NDFIP1: variants seen among roughly 807,000 people sequenced by gnomAD.
NDFIP1 encodes the protein NEDD4 family-interacting protein 1.
A neutral mutation model predicts 28.8 loss-of-function variants in NDFIP1; 7 were observed. That is an observed-to-expected ratio of 0.24 (90% CI 0.14 to 0.46). NDFIP1 has a LOEUF of 0.46. Among genes scored for constraint, NDFIP1 ranks in the 20% least tolerant of loss-of-function variants. The pLI is 0.99. For synonymous variants in NDFIP1, 92 were observed against 101.0 expected, an observed-to-expected ratio of 0.91 and a Z score of 0.53; for missense variants, 194 against 269.1, an observed-to-expected ratio of 0.72 and a Z score of 1.95.
At chr5:142,116,826 T>A in intron 1 of NDFIP1, among the ~76,000 whole-genome samples, 1 of 152,052 alleles carries the variant, frequency 6.6e-6, no homozygotes, top group East Asian at 1.9e-4. Context: ...TTCTCGTGCC[T>A]CAGCTTCCCA....
chr5:142,108,852 G>A lies in NDFIP1; in HGVS notation c.-123G>A. The A allele has an allele frequency of 3.9e-6, 3 of 761,394 alleles. No individual in the cohort carries two copies. The highest frequency in any genetic ancestry group is 3.2e-5 in the South Asian group (1 of 31,288). 47.2% of individuals were successfully genotyped at this position (761,394 alleles called of 1,614,324 possible). On this transcript the variant is annotated 5_prime_UTR_variant, in exon 1 of 8. Transcript: ENST00000253814. ...GAAGAGCGTCTCGCCCGGGAGCGGCGGCGGCCATCGAGACCCACCCAAGGC... is the reference window on the plus strand; with the variant it reads ...GAAGAGCGTCTCGCCCGGGAGCGGCAGCGGCCATCGAGACCCACCCAAGGC...
intron 7 of NDFIP1, among the ~76,000 whole-genome samples, chr5:142,150,199 AATAT>A (rs3079929): frequency 1.1e-4 from 2 of 18,196 alleles, no homozygotes; most frequent in Non-Finnish European, 1.9e-4. Flanking sequence ...AAAAAAAAAA[AATAT>A]ATAGAAACTG....
chr5:142,149,219 T>C (rs866512517), intron 7 of NDFIP1, among the ~76,000 whole-genome samples: 2 of 152,288 alleles, frequency 1.3e-5, no homozygotes, highest in Middle Eastern at 3.4e-3. Context: ...TCTCCTTTTC[T>C]GTAATTTTTC....
chr5:142,138,030 A>T, intron 5 of NDFIP1, 172 bp downstream of exon 5: 1 of 672,010 alleles, frequency 1.5e-6, no homozygotes, highest in Non-Finnish European at 2.3e-6. Flanking sequence ...CAAATGGTTC[A>T]TGCACACAAG....
At chr5:142,111,963 A>C (rs1386852287) in intron 1 of NDFIP1, among the ~76,000 whole-genome samples, 2 of 152,168 alleles carry the variant, frequency 1.3e-5, no homozygotes, top group African/African-American at 4.8e-5. Context: ...GCTACTTGGG[A>C]GGCTGAGGCA....
intron 3 of NDFIP1, among the ~76,000 whole-genome samples, chr5:142,133,465 T>C (rs988489770): frequency 3.9e-5 from 6 of 152,218 alleles, no homozygotes; most frequent in Non-Finnish European, 7.3e-5. Flanking sequence ...TGTGAAAATT[T>C]AGGTCCAGAG....
At chr5:142,120,194 A>ATCTGCCCACCTCAGGCG (rs1561598842) in intron 1 of NDFIP1, among the ~76,000 whole-genome samples, 1 of 152,146 alleles carries the variant, frequency 6.6e-6, no homozygotes, top group Non-Finnish European at 1.5e-5. Flanking sequence ...GACCTCAGGC[A>ATCTGCCCACCTCAGGCG]ATCTGCCCAC....
At chr5:142,130,753 G>A (rs1261460327) in intron 1 of NDFIP1, among the ~76,000 whole-genome samples, 1 of 151,300 alleles carries the variant, frequency 6.6e-6, no homozygotes, top group African/African-American at 2.4e-5. Context: ...TGAACATGCA[G>A]ATACACAACA....
rs184277780 is a variant in NDFIP1, at chr5:142,141,418, C to T, written c.562+789C>T. On this transcript the variant is annotated intron_variant, in intron 6 of 7. Coordinates refer to ENST00000253814, the MANE Select transcript of NDFIP1 (RefSeq NM_030571.4). Reference sequence around the variant, plus strand: ...GTCTCGATCTCCTGACTTTGTGATCCGCCCGCCTCGGCCTCCCAAAGTGCT... The same window carrying T: ...GTCTCGATCTCCTGACTTTGTGATCTGCCCGCCTCGGCCTCCCAAAGTGCT... Among the ~76,000 whole-genome samples the T allele has an allele frequency of 1.4e-3, 205 of 151,826 alleles. 1 individual carries two copies. The highest frequency in any genetic ancestry group is 0.01 in the Middle Eastern group (3 of 294).
intron 6 of NDFIP1, chr5:142,143,024 G>C (rs1457675266): frequency 1.0e-4 from 15 of 146,164 alleles, no homozygotes. Flanking sequence ...GGGTCATTTT[G>C]GGAACTTCCC....
At chr5:142,137,676 C>T (rs1757290175) in intron 4 of NDFIP1, 58 bp from the exon 5 acceptor site, 8 of 1,598,008 alleles carry the variant, frequency 5.0e-6, no homozygotes, top group Non-Finnish European at 6.8e-6. Flanking sequence ...GTGTAAGGCA[C>T]TCTTGTTCTT....
intron 1 of NDFIP1, among the ~76,000 whole-genome samples, chr5:142,118,903 C>T (rs1757095688): frequency 6.6e-6 from 1 of 151,992 alleles, no homozygotes; most frequent in East Asian, 1.9e-4. Flanking sequence ...GCACTAGGCT[C>T]ATCTTATATA....
In NDFIP1 at chr5:142,125,820, G is replaced by A. The variant is rs11954237; in HGVS notation, c.64-5988G>A. Among the ~76,000 whole-genome samples the A allele has an allele frequency of 9.9e-3, 1,503 of 152,280 alleles. 24 individuals are homozygous for A. The highest frequency in any genetic ancestry group is 0.035 in the African/African-American group (1,436 of 41,544). On this transcript the variant is annotated intron_variant, in intron 1 of 7. Coordinates refer to ENST00000253814, the MANE Select transcript of NDFIP1 (RefSeq NM_030571.4). The stretch of plus-strand genomic sequence containing the variant: ...TAGCCATCCTAGTAAGCATGAAGTG[G>A]TATTGAGTCTTGGTTTTGATTTGCG...
intron 3 of NDFIP1, among the ~76,000 whole-genome samples, chr5:142,133,546 A>G (rs937145777): frequency 2.6e-5 from 4 of 152,232 alleles, no homozygotes; most frequent in Non-Finnish European, 5.9e-5. Context: ...CAGATATTCT[A>G]GAATCCAAAG....
At chr5:142,144,003 T>TAAG (rs1323492334) in intron 6 of NDFIP1, 1 of 18,308 alleles carries the variant, frequency 5.5e-5, no homozygotes, top group Non-Finnish European at 9.7e-5. Flanking sequence ...TTAATAATAA[T>TAAG]AATAATAATA....
At position 142,108,899 on chromosome 5, in the gene NDFIP1, C is replaced by A. The variant is rs1005098481; in HGVS notation, c.-76C>A. ...AGGCGCGTCCCCCTCGGCCTCCCAG[C>A]GCTCCCAAGCCGCAGCGGCCGCGCC... On this transcript the variant is annotated 5_prime_UTR_variant, in exon 1 of 8. Transcript: ENST00000253814. 58 of 1,284,798 alleles carry A rather than the reference C, an allele frequency of 4.5e-5. No homozygotes were observed. The highest frequency in any genetic ancestry group is 5.8e-5 in the Non-Finnish European group (58 of 1,001,434). The allele number at this position is 1,284,798 out of a possible 1,614,324, so 79.6% of individuals were successfully genotyped here.
intron 6 of NDFIP1, 60 bp downstream of exon 6, chr5:142,140,689 A>T: frequency 9.0e-6 from 12 of 1,334,840 alleles, no homozygotes; most frequent in East Asian, 2.3e-5. Flanking sequence ...TATAAGTAAA[A>T]TTACTTGTAG....
Position 142,151,824 on chromosome 5 carries a change from A to C in NDFIP1, c.*96A>C, listed in dbSNP as rs186221529. ...AAGTGAATCAAGATGCAGAACACAGAGGAATAATCACCTGCTTTAAAAAAA... is the reference window on the plus strand; with the variant it reads ...AAGTGAATCAAGATGCAGAACACAGCGGAATAATCACCTGCTTTAAAAAAA... On this transcript the variant is annotated 3_prime_UTR_variant, in exon 8 of 8. Coordinates refer to ENST00000253814, the MANE Select transcript of NDFIP1 (RefSeq NM_030571.4). 8 of 152,924 alleles carry C rather than the reference A, an allele frequency of 5.2e-5. No homozygotes were observed. Among genetic ancestry groups the C allele is most frequent in the Admixed American group, 5.2e-4 (8 of 15,304 alleles). The allele number at this position is 152,924 out of a possible 1,614,324, so 9.5% of individuals were successfully genotyped here.
At chr5:142,141,004 A>C (rs1757323497) in intron 6 of NDFIP1, among the ~76,000 whole-genome samples, 1 of 152,122 alleles carries the variant, frequency 6.6e-6, no homozygotes, top group South Asian at 2.1e-4. Flanking sequence ...CAGTTGAACT[A>C]ACTCATAAGT....
Sources: gnomAD v4.1 joint callset for allele counts (sites outside exome capture counted in the v4.1 genomes callset) on GRCh38, gnomAD v4.1.1 for gene constraint, MANE v1.5 for transcripts, NCBI Gene and HGNC (gene_info 2026-07-23, HGNC 2026-07-21) for gene names.